The following NAALADL2 variants were observed in gnomAD, a reference collection of about 807,000 sequenced individuals.
NAALADL2 encodes inactive N-acetylated-alpha-linked acidic dipeptidase-like protein 2.
A neutral mutation model predicts 87.2 loss-of-function variants in NAALADL2; 76 were observed. That is an observed-to-expected ratio of 0.87 (90% CI 0.72 to 1.05). The LOEUF is 1.05. NAALADL2 is among the 50% of genes least tolerant of loss of function. The probability of loss-of-function intolerance (pLI) is 0.00; values close to 1 mark genes in which losing one functional copy is unlikely to be tolerated. For synonymous variants in NAALADL2, 354 were observed against 331.0 expected (o/e 1.07, Z -0.75); for missense variants, 1,089 against 945.8 (o/e 1.15, Z -1.99).
At chr3:174,996,993 GGTGTGTGT>G (rs34590643) in intron 1 of NAALADL2, among the ~76,000 whole-genome samples, 11,266 of 121,494 alleles carry the variant, frequency 0.093, 525 homozygotes, top group African/African-American at 0.15. Context: ...TATTCCAAGG[GGTGTGTGT>G]GTGTGTGTGT....
At chr3:174,458,831 C>A (rs1442922948) in intron 1 of NAALADL2, among the ~76,000 whole-genome samples, 1 of 152,138 alleles carries the variant, frequency 6.6e-6, no homozygotes, top group African/African-American at 2.4e-5. Flanking sequence ...TTGCAATTAG[C>A]CTTTTATTAG....
intron 1 of NAALADL2, among the ~76,000 whole-genome samples, chr3:174,955,141 G>T (rs1560408871): frequency 6.6e-6 from 1 of 151,900 alleles, no homozygotes; most frequent in Admixed American, 6.6e-5. Context: ...GAAAAATTAC[G>T]GCCTCCACAG....
chr3:175,799,093 T>A (rs1378806581), intron 13 of NAALADL2, among the ~76,000 whole-genome samples: 1 of 152,088 alleles, frequency 6.6e-6, no homozygotes, highest in African/African-American at 2.4e-5. Context: ...ACTAAACAAT[T>A]TGTCCTCAAG....
At chr3:174,800,240 A>C (rs554814674) in intron 3 of NAALADL2, among the ~76,000 whole-genome samples, 1 of 152,208 alleles carries the variant, frequency 6.6e-6, no homozygotes, top group African/African-American at 2.4e-5. Context: ...CCAGGGCATC[A>C]CAGGTCCTGA....
chr3:174,926,772 C>T (rs1056985616), intron 1 of NAALADL2, among the ~76,000 whole-genome samples: 8 of 152,058 alleles, frequency 5.3e-5, no homozygotes, highest in East Asian at 3.9e-4. Context: ...TAAAGATCAT[C>T]GATGCTAGGA....
At chr3:175,613,371 A>G (rs574946646) in intron 10 of NAALADL2, among the ~76,000 whole-genome samples, 4 of 152,334 alleles carry the variant, frequency 2.6e-5, no homozygotes, top group Non-Finnish European at 4.4e-5. Context: ...TTGAAATACG[A>G]TAAAGTAGTG....
chr3:174,677,232 A>G (rs1449128336), intron 2 of NAALADL2, among the ~76,000 whole-genome samples: 1 of 149,220 alleles, frequency 6.7e-6, no homozygotes, highest in East Asian at 1.9e-4. Context: ...TATGTGTTTA[A>G]ACTAAACATA....
At chr3:175,251,291 G>GT (rs1377698303) in intron 3 of NAALADL2, among the ~76,000 whole-genome samples, 2 of 152,020 alleles carry the variant, frequency 1.3e-5, no homozygotes, top group East Asian at 3.9e-4. Flanking sequence ...TTAGTTCCTT[G>GT]TTCTTGGTTA....
chr3:175,218,001 T>C (rs1203738008), intron 2 of NAALADL2: 1 of 341,036 alleles, frequency 2.9e-6, no homozygotes, highest in South Asian at 2.4e-5. Context: ...TTAGCTGTCA[T>C]TAATGTATAG....
chr3:175,762,254 TTTCTC>T (rs1209796615), intron 13 of NAALADL2, among the ~76,000 whole-genome samples: 1 of 143,478 alleles, frequency 7.0e-6, no homozygotes, highest in Non-Finnish European at 1.5e-5. Flanking sequence ...AAGACTCTCT[TTTCTC>T]TGTTGAATTG....
At chr3:175,192,772 AGTT>A (rs1354928566) in intron 2 of NAALADL2, among the ~76,000 whole-genome samples, 1 of 152,000 alleles carries the variant, frequency 6.6e-6, no homozygotes, top group East Asian at 1.9e-4. Flanking sequence ...TCAAATCAGT[AGTT>A]GTTTTGTTTA....
intron 12 of NAALADL2, among the ~76,000 whole-genome samples, chr3:175,737,880 A>C (rs2150084651): frequency 6.6e-6 from 1 of 152,168 alleles, no homozygotes; most frequent in East Asian, 1.9e-4. Flanking sequence ...ATGATAAAGA[A>C]GAAACCAGGC....
At chr3:175,171,599 A>G (rs147062823) in intron 2 of NAALADL2, among the ~76,000 whole-genome samples, 1,987 of 152,244 alleles carry the variant, frequency 0.013, 16 homozygotes, top group Middle Eastern at 0.02. Flanking sequence ...TCCTCTGTCT[A>G]GCTACTGTGT....
chr3:175,024,023 A>G (rs1751900586), intron 1 of NAALADL2, among the ~76,000 whole-genome samples: 1 of 151,946 alleles, frequency 6.6e-6, no homozygotes, highest in African/African-American at 2.4e-5. Context: ...ACTTGCTTCT[A>G]CCATTTTTGA....
intron 5 of NAALADL2, among the ~76,000 whole-genome samples, chr3:175,405,914 A>T (rs62288020): frequency 0.099 from 15,146 of 152,224 alleles, 890 homozygotes; most frequent in Middle Eastern, 0.21. Flanking sequence ...GATTACTTGC[A>T]TATTTCTTTT....
intron 3 of NAALADL2, among the ~76,000 whole-genome samples, chr3:174,764,722 T>C (rs1029509510): frequency 2.0e-5 from 3 of 152,230 alleles, no homozygotes; most frequent in African/African-American, 4.8e-5. Context: ...ACAAAAACAT[T>C]GATTATTAAT....
chr3:174,893,826 AG>A (rs1232385891), intron 1 of NAALADL2, among the ~76,000 whole-genome samples: 1 of 152,214 alleles, frequency 6.6e-6, no homozygotes, highest in Non-Finnish European at 1.5e-5. Flanking sequence ...CAAAACAGCC[AG>A]AAAACAAATC....
intron 12 of NAALADL2, among the ~76,000 whole-genome samples, chr3:175,739,535 T>G (rs1289498214): frequency 6.6e-6 from 1 of 152,194 alleles, no homozygotes; most frequent in Non-Finnish European, 1.5e-5. Context: ...AAGAACCCTT[T>G]CAACATCTGA....
chr3:175,314,445 C>G (rs1466089756), intron 4 of NAALADL2, among the ~76,000 whole-genome samples: 1 of 149,956 alleles, frequency 6.7e-6, no homozygotes, highest in Non-Finnish European at 1.5e-5. Flanking sequence ...TAAAATAAAC[C>G]TATTTTTAAT....
Sources: allele counts gnomAD v4.1 joint callset (sites outside exome capture counted in the v4.1 genomes callset), GRCh38; gene constraint gnomAD v4.1.1; transcripts MANE v1.5; gene names NCBI Gene and HGNC (gene_info 2026-07-23, HGNC 2026-07-21).